Variants in MTMR4 observed in about 807,000 individuals in gnomAD.
The protein encoded by MTMR4 is phosphatidylinositol-3,5-bisphosphate 3-phosphatase MTMR4.
A neutral mutation model predicts 125.5 loss-of-function variants in MTMR4; 30 were observed. The ratio of observed to expected loss-of-function variants is 0.24; its 90% confidence interval spans 0.18 to 0.32. MTMR4 has a LOEUF of 0.32. Ranked by LOEUF, MTMR4 falls within the 10% of genes least tolerant of loss-of-function variation. The pLI is 1.00. For missense variants in MTMR4, 1,039 were observed against 1,511.5 expected (o/e 0.69, Z 5.18); for synonymous variants, 498 against 564.5 (o/e 0.88, Z 1.67).
At position 58,496,303 on chromosome 17, in the gene MTMR4, A is replaced by T. The variant is rs772360980; in HGVS notation, c.1881T>A (p.Asp627Glu). 2 of 1,611,766 alleles carry T rather than the reference A, an allele frequency of 1.2e-6. No individual in the cohort carries two copies. The highest frequency in any genetic ancestry group is 1.7e-6 in the Non-Finnish European group (2 of 1,178,948). Residue 627 changes from aspartate (D) to glutamate (E), a missense_variant, in exon 15 of 18, where the codon GAT becomes GAA. Transcript: ENST00000682306. ...TGCTTGTGTCACAGGCAGAAAGAAGATCATCCATGGATCTGGTTTTAGGTA... is the reference window on the plus strand; with the variant it reads ...TGCTTGTGTCACAGGCAGAAAGAAGTTCATCCATGGATCTGGTTTTAGGTA... Reference protein sequence around the residue: ...DRLPKTRSMDDLLSACDTSSP... With the variant: ...DRLPKTRSMDELLSACDTSSP...
chr17:58,500,372 G>A (rs188410574), intron 14 of MTMR4, among the ~76,000 whole-genome samples: 5 of 151,512 alleles, frequency 3.3e-5, no homozygotes, highest in Admixed American at 6.6e-5. Flanking sequence ...AGCAATCTGC[G>A]CACCTTGGCC....
chr17:58,501,210 C>T (rs953151193), intron 14 of MTMR4, among the ~76,000 whole-genome samples: 1 of 152,118 alleles, frequency 6.6e-6, no homozygotes, highest in African/African-American at 2.4e-5. Flanking sequence ...TATATTTTAA[C>T]TTTAAAAACT....
Position 58,501,297 on chromosome 17 carries a change from C to T in MTMR4, c.1853+2447G>A, listed in dbSNP as rs940314962. On this transcript the variant is annotated intron_variant, in intron 14 of 17. Coordinates refer to ENST00000682306, the MANE Select transcript of MTMR4 (RefSeq NM_001378067.1). ...AGGCCAAGGCAGGAAGATCACTCGA[C>T]GCCAGGAATTTAAGACTAACCTGGG... Among the ~76,000 whole-genome samples, 7 of 152,064 alleles carry T rather than the reference C, an allele frequency of 4.6e-5. No individual in the cohort carries two copies. In the East Asian group the frequency reaches 1.4e-3, roughly 29 times the overall value.
chr17:58,517,227 A>G (rs1265194140), upstream of MTMR4, among the ~76,000 whole-genome samples: 1 of 152,246 alleles, frequency 6.6e-6, no homozygotes, highest in African/African-American at 2.4e-5. Flanking sequence ...GAGGCCACAC[A>G]ACAGGGACAG....
chr17:58,505,966 G>T (rs1975768975), intron 9 of MTMR4, among the ~76,000 whole-genome samples: 1 of 152,176 alleles, frequency 6.6e-6, no homozygotes, highest in Admixed American at 6.5e-5. Context: ...GACAAGAGTG[G>T]TCCTGGTGGA....
In MTMR4 at chr17:58,503,927, TGTC is replaced by T. The variant is rs760699289; in HGVS notation, c.1699-32_1699-30del. 3.1e-6 allele frequency: 5 copies of T among 1,598,096 alleles called. No homozygotes were observed. In the East Asian group the frequency reaches 1.1e-4, roughly 36 times the overall value. On this transcript the variant is annotated intron_variant, in intron 13 of 17. Coordinates refer to ENST00000682306, the MANE Select transcript of MTMR4 (RefSeq NM_001378067.1). ...GGGAAGCAGCCCAATACTAGTGCTT[TGTC>T]AAGAGTTCCTTGTCCTTTTTCTTTC...
intron 14 of MTMR4, among the ~76,000 whole-genome samples, chr17:58,499,228 ACTT>A (rs1403188086): frequency 2.7e-5 from 4 of 148,188 alleles, no homozygotes; most frequent in Admixed American, 1.4e-4. Flanking sequence ...CAGCCACAGA[ACTT>A]CTTTTTTTTT....
rs756282807 is a variant in MTMR4, at chr17:58,496,240, A to G, written c.1944T>C (p.Asn648=). 9 of 1,614,144 alleles carry G rather than the reference A, an allele frequency of 5.6e-6. No homozygotes were observed. Among genetic ancestry groups the G allele is most frequent in the Non-Finnish European group, 6.8e-6 (8 of 1,180,026 alleles). ...CTACCCTGACCTCCTGACAGTGGTT[A>G]TTCAGGTTAGGGTCACTGGATGTAC... The part of the protein sequence containing the change: ...LTRTSSDPNL[N]NHCQEVRVGL... Residue 648 remains asparagine (N), a synonymous_variant, in exon 15 of 18, where the codon AAT becomes AAC. Transcript: ENST00000682306.
chr17:58,496,482 A>C (rs1406675669), intron 14 of MTMR4, 152 bp from the exon 15 acceptor site: 1 of 680,678 alleles, frequency 1.5e-6, no homozygotes, highest in African/African-American at 1.8e-5. Context: ...CCTTAAGATC[A>C]CAAATAACCA....
Position 58,490,414 on chromosome 17 carries a change from AAAC to A in MTMR4, c.*1246_*1248del, listed in dbSNP as rs1160203325. 6.6e-6 allele frequency: 1 copy of A among 152,666 alleles called. No homozygotes were observed. Among genetic ancestry groups the A allele is most frequent in the African/African-American group, 2.4e-5 (1 of 41,456 alleles). The allele number at this position is 152,666 out of a possible 1,614,324, so 9.5% of individuals were successfully genotyped here. ...TACATATTAAGATGAAAAAAAACAA[AAAC>A]AAAAACAAAAAAACAAAATAAAATT... On this transcript the variant is annotated 3_prime_UTR_variant, in exon 18 of 18. Coordinates refer to ENST00000682306, the MANE Select transcript of MTMR4 (RefSeq NM_001378067.1).
At chr17:58,499,684 C>T (rs559719811) in intron 14 of MTMR4, among the ~76,000 whole-genome samples, 1 of 150,920 alleles carries the variant, frequency 6.6e-6, no homozygotes, top group African/African-American at 2.4e-5. Context: ...TGCAGTGGCG[C>T]GATCTCTGCT....
chr17:58,507,378 T>C, intron 7 of MTMR4, 59 bp from the exon 8 acceptor site: 2 of 1,531,870 alleles, frequency 1.3e-6, no homozygotes, highest in Non-Finnish European at 8.8e-7. Context: ...GAGGCCTACC[T>C]CAGGGGGTTA....
upstream of MTMR4, among the ~76,000 whole-genome samples, chr17:58,518,699 G>A (rs1016582555): frequency 6.6e-6 from 1 of 152,200 alleles, no homozygotes; most frequent in Non-Finnish European, 1.5e-5. Flanking sequence ...CCAAGGACCC[G>A]GCTTATCGCC....
chr17:58,505,423 T>C (rs765723992), intron 10 of MTMR4, 49 bp downstream of exon 10: 114 of 1,439,296 alleles, frequency 7.9e-5, no homozygotes, highest in Non-Finnish European at 1.1e-4. Context: ...GAATAAGAGG[T>C]ACTGGGTAAG....
At chr17:58,510,585 A>C (rs1975900091) in intron 4 of MTMR4, 1 of 152,140 alleles carries the variant, frequency 6.6e-6, no homozygotes, top group Non-Finnish European at 1.5e-5. Context: ...AGGTCCTCCT[A>C]TCTCAGCCTC....
intron 14 of MTMR4, among the ~76,000 whole-genome samples, chr17:58,500,974 T>C (rs987627252): frequency 6.6e-6 from 1 of 152,108 alleles, no homozygotes; most frequent in African/African-American, 2.4e-5. Context: ...GTCACAGAGC[T>C]TATTAAAAAT....
intron 3 of MTMR4, among the ~76,000 whole-genome samples, chr17:58,511,887 A>G (rs867686872): frequency 6.6e-6 from 1 of 152,200 alleles, no homozygotes; most frequent in African/African-American, 2.4e-5. Context: ...AGAATAATGG[A>G]AAGAGAGAAG....
chr17:58,506,286 G>A (rs913637124), intron 9 of MTMR4, among the ~76,000 whole-genome samples: 1 of 152,174 alleles, frequency 6.6e-6, no homozygotes, highest in Non-Finnish European at 1.5e-5. Context: ...AGATGCAAGC[G>A]ATTCTCATGC....
chr17:58,512,969 C>T lies in MTMR4; in HGVS notation c.46-28G>A. On this transcript the variant is annotated intron_variant, in intron 1 of 17. Transcript: ENST00000682306. The surrounding 1 kb of genome is among the most constrained non-coding windows in gnomAD (Gnocchi z 4.1). ...GTAGGAAGGCCACAGTCCTAAGTCA[C>T]CAAGCTCCACTTAGCCCATCAGGCT... The T allele has an allele frequency of 2.6e-6, 4 of 1,551,584 alleles. No individual in the cohort carries two copies. Among genetic ancestry groups the T allele is most frequent in the Non-Finnish European group, 3.6e-6 (4 of 1,125,748 alleles).
Sources: gnomAD v4.1 joint callset for allele counts (sites outside exome capture counted in the v4.1 genomes callset) on GRCh38, gnomAD v4.1.1 for gene constraint, Gnocchi (gnomAD v3.1) non-coding constraint, MANE v1.5 for transcripts, NCBI Gene and HGNC (gene_info 2026-07-23, HGNC 2026-07-21) for gene names.